NLGN1: variants seen among roughly 807,000 people sequenced by gnomAD.
The protein encoded by NLGN1 is neuroligin 1.
Under a neutral mutation model 65.5 loss-of-function variants are expected in NLGN1, and 12 were observed. The ratio of observed to expected loss-of-function variants is 0.18; its 90% CI spans 0.12 to 0.30. NLGN1 has a LOEUF of 0.30. NLGN1 is among the 10% of genes least tolerant of loss of function. The probability of loss-of-function intolerance (pLI) is 1.00; values close to 1 mark genes in which losing one functional copy is unlikely to be tolerated. For missense variants in NLGN1, 750 were observed against 1,007.1 expected, an observed-to-expected ratio of 0.74 and a Z score of 3.46; for synonymous variants, 350 against 359.5, an observed-to-expected ratio of 0.97 and a Z score of 0.30.
chr3:173,515,051 C>A (rs1419166989), intron 2 of NLGN1, among the ~76,000 whole-genome samples: 1 of 152,076 alleles, frequency 6.6e-6, no homozygotes, highest in East Asian at 1.9e-4. Context: ...TATGGTAGTT[C>A]TGTTTTTATT....
At chr3:174,142,862 A>T (rs551766027) in intron 4 of NLGN1, among the ~76,000 whole-genome samples, 2 of 152,256 alleles carry the variant, frequency 1.3e-5, no homozygotes, top group South Asian at 2.1e-4. Flanking sequence ...TAAAGAAAAG[A>T]GGTTTATTTG....
At chr3:173,562,305 A>G (rs567065154) in intron 2 of NLGN1, among the ~76,000 whole-genome samples, 1 of 152,350 alleles carries the variant, frequency 6.6e-6, no homozygotes, top group African/African-American at 2.4e-5. Context: ...GCTGTGGCTC[A>G]CGCCTGTAAT....
At chr3:173,864,392 C>A (rs922313180) in intron 4 of NLGN1, among the ~76,000 whole-genome samples, 1 of 152,080 alleles carries the variant, frequency 6.6e-6, no homozygotes, top group African/African-American at 2.4e-5. Context: ...TCATGGATGA[C>A]AAATTTCTTT....
intron 3 of NLGN1, among the ~76,000 whole-genome samples, chr3:173,633,734 G>A (rs1387610932): frequency 1.3e-5 from 2 of 152,104 alleles, no homozygotes; most frequent in Non-Finnish European, 1.5e-5. Flanking sequence ...AGTCTATTGG[G>A]TGAAGAATAT....
chr3:174,288,749 A>G (rs574745937), downstream of NLGN1, among the ~76,000 whole-genome samples: 1 of 151,632 alleles, frequency 6.6e-6, no homozygotes, highest in South Asian at 2.1e-4. Flanking sequence ...TCTCTGCCTA[A>G]CAGAGCTCCA....
chr3:174,204,181 T>C (rs1418954535), intron 4 of NLGN1, among the ~76,000 whole-genome samples: 1 of 152,188 alleles, frequency 6.6e-6, no homozygotes, highest in African/African-American at 2.4e-5. Context: ...GTTTTGTTTT[T>C]AATTTTACAA....
At chr3:173,777,964 C>T (rs1287088319) in intron 3 of NLGN1, among the ~76,000 whole-genome samples, 3 of 151,764 alleles carry the variant, frequency 2.0e-5, no homozygotes, top group Non-Finnish European at 4.4e-5. Flanking sequence ...ATCAATACTT[C>T]ACTATATAAA....
At chr3:174,201,368 AAGGAAGGAAAG>A (rs1432492663) in intron 4 of NLGN1, among the ~76,000 whole-genome samples, 42 of 137,832 alleles carry the variant, frequency 3.0e-4, no homozygotes, top group African/African-American at 1.0e-3. Flanking sequence ...GGAAGGAAGG[AAGGAAGGAAAG>A]AAGGAAGGAA....
In NLGN1 at chr3:173,591,708, A is replaced by G. The variant is rs533547092; in HGVS notation, c.-320-12571A>G. Among the ~76,000 whole-genome samples, 9 of 152,288 alleles carry G rather than the reference A, an allele frequency of 5.9e-5. No homozygotes were observed. The East Asian group carries it at 1.7e-3, about 29-fold the overall frequency. On this transcript the variant is annotated intron_variant, in intron 2 of 6. Coordinates refer to ENST00000457714, the Ensembl canonical transcript of NLGN1. Reference sequence around the variant, plus strand: ...GATTTTTTTTAACTGGACTTTAATTAAGCAGGGAACCAGGAATGGCAATTT... The same window carrying G: ...GATTTTTTTTAACTGGACTTTAATTGAGCAGGGAACCAGGAATGGCAATTT...
At chr3:173,898,271 A>G (rs930626502) in intron 4 of NLGN1, among the ~76,000 whole-genome samples, 1 of 152,238 alleles carries the variant, frequency 6.6e-6, no homozygotes, top group South Asian at 2.1e-4. Context: ...TACAGAAAGT[A>G]AACATAGGAA....
At chr3:174,287,371 G>C (rs1752247018), downstream of NLGN1, among the ~76,000 whole-genome samples, 1 of 151,218 alleles carries the variant, frequency 6.6e-6, no homozygotes, top group Admixed American at 6.6e-5. Flanking sequence ...AATTAGCATT[G>C]CTTTACAAGT....
chr3:173,699,775 A>T (rs1578014149), intron 3 of NLGN1, among the ~76,000 whole-genome samples: 1 of 152,302 alleles, frequency 6.6e-6, no homozygotes, highest in African/African-American at 2.4e-5. Flanking sequence ...GCAGCAGGTA[A>T]TTTTTTGAGG....
intron 3 of NLGN1, among the ~76,000 whole-genome samples, chr3:173,722,727 A>G (rs949658776): frequency 3.9e-5 from 6 of 152,080 alleles, no homozygotes; most frequent in African/African-American, 1.2e-4. Context: ...TTTTTCATCA[A>G]TGTTTAATGG....
chr3:173,993,667 G>GATAA (rs1388184215), intron 4 of NLGN1, among the ~76,000 whole-genome samples: 6 of 150,600 alleles, frequency 4.0e-5, no homozygotes, highest in Non-Finnish European at 8.8e-5. Flanking sequence ...TAGATAGATA[G>GATAA]ATAGATAGAT....
At chr3:173,449,169 A>G (rs1338587957) in intron 2 of NLGN1, among the ~76,000 whole-genome samples, 3 of 151,802 alleles carry the variant, frequency 2.0e-5, no homozygotes, top group Non-Finnish European at 2.9e-5. Context: ...TGTCAATTTT[A>G]GATCTTTCCT....
intron 4 of NLGN1, among the ~76,000 whole-genome samples, chr3:173,998,924 A>G (rs981066075): frequency 6.6e-6 from 1 of 152,202 alleles, no homozygotes; most frequent in Non-Finnish European, 1.5e-5. Context: ...TTATAGTCTA[A>G]TAAACATCCT....
intron 4 of NLGN1, among the ~76,000 whole-genome samples, chr3:173,842,546 A>C (rs966623709): frequency 1.3e-5 from 2 of 152,200 alleles, no homozygotes; most frequent in African/African-American, 4.8e-5. Flanking sequence ...AGCCATTCCA[A>C]AGTGGAGAAA....
intron 4 of NLGN1, among the ~76,000 whole-genome samples, chr3:173,944,643 A>G (rs1366969979): frequency 6.6e-6 from 1 of 152,176 alleles, no homozygotes; most frequent in Admixed American, 6.5e-5. Context: ...AACTTCTCCT[A>G]TCATCAACTC....
intron 3 of NLGN1, among the ~76,000 whole-genome samples, chr3:173,611,021 TG>T (rs1011398896): frequency 7.9e-5 from 12 of 151,682 alleles, no homozygotes; most frequent in Admixed American, 2.0e-4. Context: ...GTGAGAAAGG[TG>T]GGATTTGCAG....
Sources: gnomAD v4.1 joint callset for allele counts (sites outside exome capture counted in the v4.1 genomes callset) on GRCh38, gnomAD v4.1.1 for gene constraint, MANE v1.5 for transcripts, NCBI Gene and HGNC (gene_info 2026-07-23, HGNC 2026-07-21) for gene names.